The following PLOD2 variants were observed in gnomAD, a reference collection of about 807,000 sequenced individuals.
PLOD2 encodes procollagen-lysine,2-oxoglutarate 5-dioxygenase 2.
In PLOD2, 65 loss-of-function variants were observed where a neutral mutation model predicts 101.0. The observed-to-expected ratio is 0.64, with a 90% CI of 0.53 to 0.79. The LOEUF (loss-of-function observed/expected upper bound fraction) is 0.79. Ranked by LOEUF, PLOD2 falls within the 30% of genes least tolerant of loss-of-function variation. PLOD2 has a pLI of 0.00. For synonymous variants in PLOD2, 314 were observed against 302.9 expected (o/e 1.04, Z -0.38); for missense variants, 909 against 914.6 (o/e 0.99, Z 0.08).
intron 7 of PLOD2, among the ~76,000 whole-genome samples, chr3:146,093,220 C>T (rs771939125): frequency 1.3e-5 from 2 of 152,252 alleles, no homozygotes; most frequent in Non-Finnish European, 2.9e-5. Context: ...ACAAACACTG[C>T]TGAAACAAGA....
rs757830687 is a variant in PLOD2 at position 146,110,462 on chromosome 3, A to G, written c.339-14T>C. ...ATGACATCAAAGCTGTTCAATGAGG[A>G]AAAAATGTGTTTTAAAATACACTTG... On this transcript the variant is annotated splice_polypyrimidine_tract_variant and intron_variant, in intron 3 of 19. Coordinates refer to ENST00000282903, the MANE Select transcript of PLOD2 (RefSeq NM_182943.3). The G allele has an allele frequency of 5.7e-6, 9 of 1,580,198 alleles. No homozygotes were observed. The highest frequency in any genetic ancestry group is 7.7e-6 in the Non-Finnish European group (9 of 1,162,844).
chr3:146,096,121 G>C (rs1365236861), intron 7 of PLOD2, among the ~76,000 whole-genome samples: 1 of 150,504 alleles, frequency 6.6e-6, no homozygotes, highest in Admixed American at 6.6e-5. Flanking sequence ...GCTCCTAACT[G>C]CGAGTGATCC....
chr3:146,102,878 T>G, intron 6 of PLOD2, 26 bp from the exon 7 acceptor site: 4 of 1,221,180 alleles, frequency 3.3e-6, no homozygotes, highest in Non-Finnish European at 4.9e-6. Flanking sequence ...AAAATAGGCT[T>G]TAGTAATTTA....
rs762360236 is a variant in PLOD2 at position 146,086,738 on chromosome 3, G to A, written c.1127+49C>T. The A allele has an allele frequency of 7.3e-6, 9 of 1,238,570 alleles. No individual in the cohort carries two copies. In the East Asian group the frequency reaches 1.1e-4, roughly 15 times the overall value. 76.7% of individuals were successfully genotyped at this position (1,238,570 alleles called of 1,614,324 possible). A position where few individuals can be genotyped will look rare whatever the true frequency, so the allele number is the denominator to read the frequency against. On this transcript the variant is annotated intron_variant, in intron 10 of 19. Transcript: ENST00000282903. ...ATTTAAAAGTTTATTTTTTCTTAAC[G>A]TTTCCTTAGTAAAATAATTTAATTT...
chr3:146,102,709 T>C (rs1156668762), intron 7 of PLOD2, 46 bp downstream of exon 7: 9 of 923,998 alleles, frequency 9.7e-6, no homozygotes, highest in Admixed American at 3.4e-5. Context: ...TATCAATCCA[T>C]AGTCTATCTC....
At chr3:146,155,218 G>T (rs760909178) in intron 1 of PLOD2, among the ~76,000 whole-genome samples, 11 of 152,068 alleles carry the variant, frequency 7.2e-5, no homozygotes, top group Non-Finnish European at 1.6e-4. Flanking sequence ...TACTTGGGAG[G>T]CTGAGGTGAT....
intron 3 of PLOD2, among the ~76,000 whole-genome samples, chr3:146,119,432 T>TTTGC (rs1938077630): frequency 7.3e-6 from 1 of 136,936 alleles, no homozygotes; most frequent in Non-Finnish European, 1.6e-5. Context: ...ACTAGTAATA[T>TTTGC]CTACTTTTGC....
chr3:146,109,712 C>T (rs1937594593), intron 4 of PLOD2, among the ~76,000 whole-genome samples: 1 of 152,166 alleles, frequency 6.6e-6, no homozygotes, highest in Admixed American at 6.5e-5. Flanking sequence ...TTTCTAAAGG[C>T]TGGACTGAGG....
intron 14 of PLOD2, 153 bp from the exon 15 acceptor site, chr3:146,077,048 A>C (rs1936372091): frequency 7.7e-7 from 1 of 1,302,248 alleles, no homozygotes; most frequent in South Asian, 2.0e-5. Context: ...GCATAGTTTA[A>C]AATAAAAAAC....
At chr3:146,131,939 A>C (rs2030935975) in intron 1 of PLOD2, among the ~76,000 whole-genome samples, 1 of 152,186 alleles carries the variant, frequency 6.6e-6, no homozygotes, top group Non-Finnish European at 1.5e-5. Flanking sequence ...AAGAAAAAAA[A>C]AACCTAAAAA....
intron 6 of PLOD2, 136 bp downstream of exon 6, chr3:146,104,143 G>T: frequency 1.4e-6 from 1 of 692,776 alleles, no homozygotes. Context: ...TAGTATTTTT[G>T]TTAAGTTACA....
At chr3:146,138,833 T>C (rs1370202986) in intron 1 of PLOD2, among the ~76,000 whole-genome samples, 2 of 152,128 alleles carry the variant, frequency 1.3e-5, no homozygotes, top group Non-Finnish European at 2.9e-5. Context: ...ACCATATAGA[T>C]ACTATTAATT....
intron 9 of PLOD2, among the ~76,000 whole-genome samples, chr3:146,087,204 G>T (rs1936808871): frequency 6.6e-6 from 1 of 151,838 alleles, no homozygotes; most frequent in Admixed American, 6.6e-5. Context: ...ATAGGTGTTT[G>T]CATAAATACT....
chr3:146,072,446 T>TCTA (rs1307165625), intron 17 of PLOD2, 115 bp downstream of exon 17: 4 of 751,748 alleles, frequency 5.3e-6, no homozygotes, highest in Non-Finnish European at 9.4e-6. Flanking sequence ...AGCCAATTTA[T>TCTA]CTAAGTCTAG....
At chr3:146,121,307 A>G in intron 2 of PLOD2, 59 bp from the exon 3 acceptor site, 3 of 1,444,286 alleles carry the variant, frequency 2.1e-6, no homozygotes, top group Non-Finnish European at 2.9e-6. Flanking sequence ...AAGTACTATG[A>G]AAAACTTAAA....
intron 3 of PLOD2, among the ~76,000 whole-genome samples, chr3:146,119,271 G>A (rs1266056517): frequency 2.0e-5 from 3 of 152,026 alleles, no homozygotes; most frequent in Non-Finnish European, 2.9e-5. Flanking sequence ...TAAGTTTCCT[G>A]AGGCCTCTCC....
In PLOD2 at chr3:146,071,113, G is replaced by T; in HGVS notation, c.2050C>A (p.Leu684Ile). Residue 684 changes from leucine (L) to isoleucine (I), a missense_variant, in exon 19 of 20, where the codon CTT (leucine) becomes ATT (isoleucine). Transcript: ENST00000282903. ...GTAGAAGCATCATGATGAGGACGAA[G>T]AGAACGCTGTCGTTCAGGGGAGTAT... ...VKYSPERQRSLRPHHDASTFT... is the reference protein window; with the variant it reads ...VKYSPERQRSIRPHHDASTFT... 6.2e-7 allele frequency: 1 copy of T among 1,610,834 alleles called. No homozygotes were observed. The highest frequency in any genetic ancestry group is 1.3e-5 in the African/African-American group (1 of 74,870).
Position 146,106,587 on chromosome 3 carries a change from T to A in PLOD2, c.560A>T (p.Asp187Val), listed in dbSNP as rs1937538694. Residue 187 changes from aspartate (D) to valine (V), a missense_variant, in exon 5 of 20, where the codon GAT (aspartate) becomes GTT (valine). Physicochemically the swap from Asp to Val is radical, Grantham distance 152. Coordinates refer to ENST00000282903, the MANE Select transcript of PLOD2 (RefSeq NM_182943.3). ...NRIVQQWNLQ[D>V]NDDDQLFYTK... ...GTAAAAGAGCTGATCATCATCATTA[T>A]CCTGGAGATTCCATTGTTGAACTAT... 3 of 1,597,854 alleles carry A rather than the reference T, an allele frequency of 1.9e-6. No individual in the cohort carries two copies. The East Asian group carries it at 6.7e-5, about 36-fold the overall frequency.
chr3:146,088,955 C>T (rs1044076028), intron 8 of PLOD2: 12 of 475,366 alleles, frequency 2.5e-5, no homozygotes, highest in South Asian at 2.0e-4. Flanking sequence ...ATGAAATTAT[C>T]CTATTTATTA....
Sources: gnomAD v4.1 joint callset for allele counts (sites outside exome capture counted in the v4.1 genomes callset) on GRCh38, gnomAD v4.1.1 for gene constraint, MANE v1.5 for transcripts, NCBI Gene and HGNC (gene_info 2026-07-23, HGNC 2026-07-21) for gene names.